The following PTPRG variants were observed in gnomAD, a reference collection of about 807,000 sequenced individuals.
PTPRG encodes protein tyrosine phosphatase receptor type G, also known as receptor-type tyrosine-protein phosphatase gamma.
PTPRG carries 102 observed loss-of-function variants against 165.3 expected under a neutral mutation model. That is an observed-to-expected ratio of 0.62 (90% CI 0.53 to 0.73). The LOEUF (loss-of-function observed/expected upper bound fraction) is 0.73, where lower values mean the gene tolerates loss of function less well. Among genes scored for constraint, PTPRG ranks in the 30% least tolerant of loss-of-function variants. PTPRG has a pLI of 0.00. For missense variants in PTPRG, 1,866 were observed against 1,861.4 expected, an observed-to-expected ratio of 1.00 and a Z score of -0.05; for synonymous variants, 675 against 669.5, an observed-to-expected ratio of 1.01 and a Z score of -0.13.
intron 2 of PTPRG, among the ~76,000 whole-genome samples, chr3:61,864,943 C>T (rs746424045): frequency 6.6e-6 from 1 of 152,218 alleles, no homozygotes; most frequent in Non-Finnish European, 1.5e-5. Flanking sequence ...GGAAGGCCCA[C>T]CATGCCAGCA....
chr3:62,143,118 G>A (rs1703991220), intron 6 of PTPRG, among the ~76,000 whole-genome samples: 1 of 152,148 alleles, frequency 6.6e-6, no homozygotes, highest in Non-Finnish European at 1.5e-5. Context: ...CATCTTGATT[G>A]AAGCTCATCA....
chr3:61,923,791 C>T (rs1317580181), intron 2 of PTPRG, among the ~76,000 whole-genome samples: 1 of 150,808 alleles, frequency 6.6e-6, no homozygotes, highest in African/African-American at 2.4e-5. Context: ...CCACCTCAGC[C>T]TCCCAAAACA....
intron 10 of PTPRG, among the ~76,000 whole-genome samples, chr3:62,197,561 C>T: frequency 6.6e-6 from 1 of 152,094 alleles, no homozygotes. Context: ...GACTGCAGGC[C>T]AAGGCCAGGT....
intron 1 of PTPRG, among the ~76,000 whole-genome samples, chr3:61,701,844 A>C (rs889271367): frequency 1.3e-5 from 2 of 152,100 alleles, no homozygotes; most frequent in African/African-American, 2.4e-5. Flanking sequence ...GACTGAAGGG[A>C]GTGCCACTGT....
At chr3:62,016,209 C>G (rs2041541091) in intron 4 of PTPRG, among the ~76,000 whole-genome samples, 1 of 152,012 alleles carries the variant, frequency 6.6e-6, no homozygotes, top group Non-Finnish European at 1.5e-5. Context: ...ACTCTGTTAC[C>G]CAGGTTGGAG....
chr3:61,962,748 T>G (rs1375132456), intron 2 of PTPRG, among the ~76,000 whole-genome samples: 1 of 152,192 alleles, frequency 6.6e-6, no homozygotes, highest in Non-Finnish European at 1.5e-5. Context: ...TTAGTATGTG[T>G]CAGGCACTGT....
intron 1 of PTPRG, among the ~76,000 whole-genome samples, chr3:61,718,616 A>G (rs993622941): frequency 6.6e-6 from 1 of 152,060 alleles, no homozygotes; most frequent in African/African-American, 2.4e-5. Context: ...ATCAGGAAAA[A>G]CCGTATCTCC....
At chr3:62,092,923 A>G (rs1294945052) in intron 5 of PTPRG, among the ~76,000 whole-genome samples, 2 of 152,198 alleles carry the variant, frequency 1.3e-5, no homozygotes, top group Non-Finnish European at 2.9e-5. Flanking sequence ...ATTCTCACCT[A>G]ACAGGTTTGT....
chr3:61,573,665 C>G (rs1700113255), intron 1 of PTPRG, among the ~76,000 whole-genome samples: 1 of 152,148 alleles, frequency 6.6e-6, no homozygotes, highest in Non-Finnish European at 1.5e-5. Context: ...TGTGCTGTGT[C>G]TTTGGTGTGT....
intron 1 of PTPRG, among the ~76,000 whole-genome samples, chr3:61,745,525 G>C (rs2033163995): frequency 6.6e-6 from 1 of 152,154 alleles, no homozygotes; most frequent in Non-Finnish European, 1.5e-5. Flanking sequence ...ACCTTGCTGT[G>C]GAAAACCCAC....
At chr3:61,589,333 A>G (rs947568923) in intron 1 of PTPRG, among the ~76,000 whole-genome samples, 2 of 152,192 alleles carry the variant, frequency 1.3e-5, no homozygotes, top group African/African-American at 4.8e-5. Flanking sequence ...CATCTCATTA[A>G]GGAAACTATC....
chr3:61,695,923 A>G (rs1167668627), intron 1 of PTPRG, among the ~76,000 whole-genome samples: 2 of 152,208 alleles, frequency 1.3e-5, no homozygotes, highest in Non-Finnish European at 2.9e-5. Flanking sequence ...CCCTAGTTCA[A>G]AAATGTTAGA....
chr3:61,914,176 G>A (rs1019303420), intron 2 of PTPRG, among the ~76,000 whole-genome samples: 17 of 152,202 alleles, frequency 1.1e-4, no homozygotes, highest in African/African-American at 3.9e-4. Context: ...AGATTCCACT[G>A]ATCTCTGGCT....
chr3:61,980,387 G>A (rs989680905), intron 2 of PTPRG, among the ~76,000 whole-genome samples: 3 of 152,162 alleles, frequency 2.0e-5, no homozygotes, highest in African/African-American at 4.8e-5. Context: ...AAAATTTACA[G>A]CAATGGACTT....
chr3:61,608,874 T>C (rs1477813717), intron 1 of PTPRG, among the ~76,000 whole-genome samples: 2 of 152,180 alleles, frequency 1.3e-5, no homozygotes, highest in Non-Finnish European at 2.9e-5. Context: ...GCCCTTGCTA[T>C]TGTCCCTTTA....
rs61013191 is a variant in PTPRG, at chr3:61,841,505, T to C, written c.190+92523T>C. On this transcript the variant is annotated intron_variant, in intron 2 of 29. Transcript: ENST00000474889. Reference sequence around the variant, plus strand: ...AACTAACAGGAGGTACAAAGTGGACTCTTTTCAAACCTTTTTATTGAATCC... The same window carrying C: ...AACTAACAGGAGGTACAAAGTGGACCCTTTTCAAACCTTTTTATTGAATCC... Among the ~76,000 whole-genome samples the C allele has an allele frequency of 9.8e-5, 15 of 152,306 alleles. No individual in the cohort carries two copies. The East Asian group carries it at 2.9e-3, about 29-fold the overall frequency.
intron 2 of PTPRG, among the ~76,000 whole-genome samples, chr3:61,910,157 A>G (rs976742450): frequency 3.3e-5 from 5 of 152,076 alleles, no homozygotes; most frequent in Admixed American, 3.3e-4. Flanking sequence ...TGCCTTACGT[A>G]CCTCTTCATT....
intron 5 of PTPRG, among the ~76,000 whole-genome samples, chr3:62,110,089 C>CTTTT (rs371457716): frequency 1.7e-3 from 136 of 79,974 alleles, no homozygotes; most frequent in Middle Eastern, 9.8e-3. Context: ...GAAATAATGG[C>CTTTT]TTTTTTTTTT....
At chr3:61,989,529 C>A in intron 2 of PTPRG, 96 bp from the exon 3 acceptor site, 1 of 1,149,938 alleles carries the variant, frequency 8.7e-7, no homozygotes, top group South Asian at 1.8e-5. Context: ...GGATTGGGGA[C>A]ATGTTGAGAG....
Sources: allele counts gnomAD v4.1 joint callset (sites outside exome capture counted in the v4.1 genomes callset), GRCh38; gene constraint gnomAD v4.1.1; transcripts MANE v1.5; gene names NCBI Gene and HGNC (gene_info 2026-07-23, HGNC 2026-07-21).